Variants in COL6A3 observed in about 807,000 individuals in gnomAD.
COL6A3 encodes collagen alpha-3(VI) chain.
In COL6A3, 137 loss-of-function variants were observed where a neutral mutation model predicts 274.1. The observed-to-expected ratio is 0.50, with a 90% confidence interval of 0.44 to 0.58. COL6A3 has a LOEUF of 0.58. Among genes scored for constraint, COL6A3 ranks in the 20% least tolerant of loss-of-function variants. The pLI, the probability that COL6A3 is intolerant of heterozygous loss-of-function variation, is 0.00. For synonymous variants in COL6A3, 1,650 were observed against 1,650.6 expected (o/e 1.00, Z 0.01); for missense variants, 3,950 against 4,124.9 (o/e 0.96, Z 1.16).
At chr2:237,343,035 G>A (rs925523786) in intron 36 of COL6A3, 13 of 152,230 alleles carry the variant, frequency 8.5e-5, no homozygotes, top group African/African-American at 3.1e-4. Context: ...TGAAAAATCT[G>A]AGACGCAGGG....
At chr2:237,355,933 A>T (rs1171173104) in intron 23 of COL6A3, among the ~76,000 whole-genome samples, 3 of 152,190 alleles carry the variant, frequency 2.0e-5, no homozygotes, top group Admixed American at 1.3e-4. Flanking sequence ...GCACTCAGTG[A>T]TACATTGCTC....
Position 237,374,871 on chromosome 2 carries a change from C to G in COL6A3, c.3220G>C (p.Asp1074His). Reference sequence around the variant, plus strand: ...AGGTAGAACTCGGGCCTGGTCCGGTCGCTGTACTGCACCACGGCCACGCGG... The same window carrying G: ...AGGTAGAACTCGGGCCTGGTCCGGTGGCTGTACTGCACCACGGCCACGCGG... The part of the protein sequence containing the change: ...RVRVAVVQYS[D>H]RTRPEFYLNS... The change falls in exon 8 of 44, where the codon GAC becomes CAC. Residue 1074 changes from aspartate to histidine, a missense_variant. Asp to His is a moderately conservative substitution (Grantham distance 81). Coordinates refer to ENST00000295550, the MANE Select transcript of COL6A3 (RefSeq NM_004369.4). This position sits in a 1 kb window ranked among gnomAD's most constrained non-coding sequence, Gnocchi z 4.8. The G allele has an allele frequency of 6.2e-7, 1 of 1,613,870 alleles. No homozygotes were observed. The highest frequency in any genetic ancestry group is 8.5e-7 in the Non-Finnish European group (1 of 1,180,042).
rs537591193 is a variant in COL6A3 at position 237,340,022 on chromosome 2, G to A, written c.8464+430C>T. Among the ~76,000 whole-genome samples, 957 of 152,302 alleles carry A rather than the reference G, an allele frequency of 6.3e-3. 7 individuals are homozygous for A. The highest frequency in any genetic ancestry group is 8.4e-3 in the Non-Finnish European group (570 of 68,016). ...CAAAGACCCAGTGGTATCCAAGCACGGGGCTGGTGGCTAAGCCCCGATCAA... is the reference window on the plus strand; with the variant it reads ...CAAAGACCCAGTGGTATCCAAGCACAGGGCTGGTGGCTAAGCCCCGATCAA... On this transcript the variant is annotated intron_variant, in intron 38 of 43. Coordinates refer to ENST00000295550, the MANE Select transcript of COL6A3 (RefSeq NM_004369.4).
At position 237,357,840 on chromosome 2, in the gene COL6A3, C is replaced by T; in HGVS notation, c.6514G>A (p.Glu2172Lys). The change falls in exon 22 of 44, where the codon GAA (glutamate) becomes AAA (lysine). Residue 2172 changes from glutamate to lysine, a missense_variant. Coordinates refer to ENST00000295550, the MANE Select transcript of COL6A3 (RefSeq NM_004369.4). Reference sequence around the variant, plus strand: ...ACCATGGGGCCGAGGTCACCGGTTTCTCCTTTGGGTCCTCTCTCCTGGCTG... The same window carrying T: ...ACCATGGGGCCGAGGTCACCGGTTTTTCCTTTGGGTCCTCTCTCCTGGCTG... Reference protein sequence around the residue: ...QDSQERGPKGETGDLGPMGVP... With the variant: ...QDSQERGPKGKTGDLGPMGVP... 6.2e-7 allele frequency: 1 copy of T among 1,614,182 alleles called. No individual in the cohort carries two copies. The highest frequency in any genetic ancestry group is 8.5e-7 in the Non-Finnish European group (1 of 1,180,034).
chr2:237,346,103 T>C (rs2077091942), intron 32 of COL6A3, among the ~76,000 whole-genome samples: 1 of 152,180 alleles, frequency 6.6e-6, no homozygotes, highest in Non-Finnish European at 1.5e-5. Flanking sequence ...AGGAGCTCCC[T>C]TGGGGATTTC....
intron 43 of COL6A3, 86 bp downstream of exon 43, chr2:237,325,474 A>G (rs1699889820): frequency 2.2e-6 from 3 of 1,385,504 alleles, no homozygotes; most frequent in Middle Eastern, 1.8e-4. Context: ...TATCATAATC[A>G]TTGCACTTCT....
intron 3 of COL6A3, among the ~76,000 whole-genome samples, chr2:237,391,586 G>A (rs1489171009): frequency 6.6e-6 from 1 of 152,124 alleles, no homozygotes; most frequent in Non-Finnish European, 1.5e-5. Context: ...AGACTGGAGT[G>A]CAGTGTCACA....
At position 237,368,455 on chromosome 2, in the gene COL6A3, A is replaced by C; in HGVS notation, c.4900+108T>G. ...TTTAATTTCTAATATTATCTGAAGA[A>C]ACAACCCAGAGAGAAGAAAATTATT... is the stretch of plus-strand genomic sequence containing the variant. On this transcript the variant is annotated intron_variant, in intron 10 of 43. Transcript: ENST00000295550. The surrounding 1 kb of genome is among the most constrained non-coding windows in gnomAD (Gnocchi z 4.4). 6 of 1,364,922 alleles carry C rather than the reference A, an allele frequency of 4.4e-6. No homozygotes were observed. The South Asian group carries it at 8.3e-5, about 19-fold the overall frequency. The allele number at this position is 1,364,922 out of a possible 1,614,324, so 84.6% of individuals were successfully genotyped here. A position where few individuals can be genotyped will look rare whatever the true frequency, so the allele number is the denominator to read the frequency against.
intron 6 of COL6A3, among the ~76,000 whole-genome samples, chr2:237,378,006 C>A (rs1191600621): frequency 2.0e-5 from 3 of 152,212 alleles, no homozygotes; most frequent in Non-Finnish European, 2.9e-5. Context: ...TAAAACAGTT[C>A]TTAGAACTAT....
rs371631320 is a variant in COL6A3 at position 237,368,785 on chromosome 2, C to T, written c.4678G>A (p.Ala1560Thr). The T allele has an allele frequency of 2.4e-5, 39 of 1,614,076 alleles. No homozygotes were observed. Among genetic ancestry groups the T allele is most frequent in the African/African-American group, 1.2e-4 (9 of 74,928 alleles). Residue 1560 changes from alanine (A) to threonine (T), a missense_variant, in exon 10 of 44, where the codon GCC (alanine) becomes ACC (threonine). Ala to Thr is a moderately conservative substitution (Grantham distance 58). Coordinates refer to ENST00000295550, the MANE Select transcript of COL6A3 (RefSeq NM_004369.4). This position sits in a 1 kb window ranked among gnomAD's most constrained non-coding sequence, Gnocchi z 4.4. Reference sequence around the variant, plus strand: ...ATGCCCGAGGAACGGATCACCTGGGCGAACCTGGACACATCGTCCTGGGAT... The same window carrying T: ...ATGCCCGAGGAACGGATCACCTGGGTGAACCTGGACACATCGTCCTGGGAT... Reference protein sequence around the residue: ...GKSQDDVSRFAQVIRSSGIVS... With the variant: ...GKSQDDVSRFTQVIRSSGIVS...
rs563800854 is a variant in COL6A3, at chr2:237,394,721, G to A, written c.575C>T (p.Pro192Leu). ...EGALKEIASE[P>L]LNMHMFNLEN... ...TAGGTTGAACATATGCATATTGAGCGGTTCACTTGCTATTTCTTTTAACGC... is the reference window on the plus strand; with the variant it reads ...TAGGTTGAACATATGCATATTGAGCAGTTCACTTGCTATTTCTTTTAACGC... The change falls in exon 3 of 44, where the codon CCG becomes CTG. Residue 192 changes from proline to leucine, a missense_variant. By Grantham distance (98) the Pro-to-Leu change is moderately conservative. Transcript: ENST00000295550. 13 of 1,614,042 alleles carry A rather than the reference G, an allele frequency of 8.1e-6. No homozygotes were observed. Among genetic ancestry groups the A allele is most frequent in the East Asian group, 2.2e-5 (1 of 44,896 alleles).
intron 1 of COL6A3, among the ~76,000 whole-genome samples, chr2:237,408,831 C>T (rs2078783750): frequency 6.6e-6 from 1 of 152,170 alleles, no homozygotes; most frequent in South Asian, 2.1e-4. Flanking sequence ...TAACAATTTG[C>T]CTTTGGGAGA....
chr2:237,354,782 G>T, intron 24 of COL6A3, 117 bp downstream of exon 24: 1 of 838,778 alleles, frequency 1.2e-6, no homozygotes, highest in South Asian at 2.0e-5. Flanking sequence ...TTTCTAAATT[G>T]ATTGGTATCT....
At chr2:237,336,822 C>A (rs1015643384) in intron 39 of COL6A3, among the ~76,000 whole-genome samples, 1 of 152,030 alleles carries the variant, frequency 6.6e-6, no homozygotes, top group Admixed American at 6.5e-5. Flanking sequence ...AAATAAGAGA[C>A]AATAATGAAT....
intron 30 of COL6A3, 104 bp downstream of exon 30, chr2:237,348,245 G>GGCT: frequency 1.0e-6 from 1 of 981,312 alleles, no homozygotes; most frequent in East Asian, 2.4e-5. Context: ...TTAACTGAGT[G>GGCT]GCTGACCCAA....
In COL6A3 at chr2:237,374,096, G is replaced by T. The variant is rs1428834749; in HGVS notation, c.3679+316C>A. On this transcript the variant is annotated intron_variant, in intron 8 of 43. Coordinates refer to ENST00000295550, the MANE Select transcript of COL6A3 (RefSeq NM_004369.4). This position sits in a 1 kb window ranked among gnomAD's most constrained non-coding sequence, Gnocchi z 4.8. ...CGCAACAGGCGTTATCAGTTAGACG[G>T]CCCCTCCCTTTGGATATCTAGACAG... Among the ~76,000 whole-genome samples, 1 of 152,180 alleles carries T rather than the reference G, an allele frequency of 6.6e-6. No homozygotes were observed. Among genetic ancestry groups the T allele is most frequent in the Non-Finnish European group, 1.5e-5 (1 of 68,036 alleles).
At chr2:237,403,592 A>G (rs563457427) in intron 1 of COL6A3, among the ~76,000 whole-genome samples, 28 of 152,286 alleles carry the variant, frequency 1.8e-4, no homozygotes, top group African/African-American at 6.0e-4. Context: ...ATGAGTGGTG[A>G]TAGCGGCAGT....
chr2:237,402,494 A>C (rs2078616901), intron 1 of COL6A3, among the ~76,000 whole-genome samples: 1 of 152,182 alleles, frequency 6.6e-6, no homozygotes, highest in South Asian at 2.1e-4. Flanking sequence ...GGAATGATGT[A>C]AGTGCAGCAT....
chr2:237,358,578 A>G lies in COL6A3; in HGVS notation c.6414T>C (p.Asp2138=), dbSNP rs765954144. 4.3e-6 allele frequency: 7 copies of G among 1,613,576 alleles called. No homozygotes were observed. The highest frequency in any genetic ancestry group is 2.7e-5 in the African/African-American group (2 of 74,902). Residue 2138 remains aspartate (D), a synonymous_variant, in exon 21 of 44, where the codon GAT becomes GAC. Transcript: ENST00000295550. Reference sequence around the variant, plus strand: ...CTCCTTTCTCTCCTCGAGGTCCTTTATCACCCTAAAGAAAAAGCACAAGTG... The same window carrying G: ...CTCCTTTCTCTCCTCGAGGTCCTTTGTCACCCTAAAGAAAAAGCACAAGTG... ...GEKGNPGRRG[D]KGPRGEKGER...
Sources: gnomAD v4.1 joint callset for allele counts (sites outside exome capture counted in the v4.1 genomes callset) on GRCh38, gnomAD v4.1.1 for gene constraint, Gnocchi (gnomAD v3.1) non-coding constraint, MANE v1.5 for transcripts, NCBI Gene and HGNC (gene_info 2026-07-23, HGNC 2026-07-21) for gene names.